SLC26A8: variants seen among roughly 807,000 people sequenced by gnomAD.
The protein encoded by SLC26A8 is solute carrier family 26 member 8.
SLC26A8 carries 70 observed loss-of-function variants against 105.0 expected under a neutral mutation model. The observed-to-expected ratio is 0.67, with a 90% CI of 0.55 to 0.81. The LOEUF is 0.81. Among genes scored for constraint, SLC26A8 ranks in the 40% least tolerant of loss-of-function variants. SLC26A8 has a pLI of 0.00. For missense variants in SLC26A8, 998 were observed against 1,181.8 expected, an observed-to-expected ratio of 0.84 and a Z score of 2.28; for synonymous variants, 415 against 438.3, an observed-to-expected ratio of 0.95 and a Z score of 0.66.
At position 35,959,797 on chromosome 6, in the gene SLC26A8, T is replaced by G; in HGVS notation, c.1648A>C (p.Ile550Leu). ...CACTGGAAGATTTTCACCCCAGGAA[T>G]GGTGATGATCTGCAAGACAAAATGT... Reference protein sequence around the residue: ...SINDYREIITIPGVKIFQCCS... With the variant: ...SINDYREIITLPGVKIFQCCS... Residue 550 changes from isoleucine (I) to leucine (L), a missense_variant, in exon 15 of 20, where the codon ATT (isoleucine) becomes CTT (leucine). By Grantham distance (5) the Ile-to-Leu change is conservative. Coordinates refer to ENST00000490799, the MANE Select transcript of SLC26A8 (RefSeq NM_052961.4). The G allele has an allele frequency of 6.2e-7, 1 of 1,607,394 alleles. No individual in the cohort carries two copies. Among genetic ancestry groups the G allele is most frequent in the Non-Finnish European group, 8.5e-7 (1 of 1,178,234 alleles).
chr6:36,015,332 T>A (rs1025892903), intron 2 of SLC26A8, among the ~76,000 whole-genome samples: 1 of 152,120 alleles, frequency 6.6e-6, no homozygotes, highest in Admixed American at 6.5e-5. Context: ...AGGCTGGTCT[T>A]AAACTCCTGA....
chr6:35,989,983 G>A (rs1773700840), intron 7 of SLC26A8: 1 of 115,860 alleles, frequency 8.6e-6, no homozygotes, highest in African/African-American at 3.4e-5. Flanking sequence ...TTTCACCCAA[G>A]CTGCAGTGCA....
At chr6:36,019,855 G>A (rs1762088877) in intron 1 of SLC26A8, 146 bp from the exon 2 acceptor site, 1 of 787,850 alleles carries the variant, frequency 1.3e-6, no homozygotes, top group African/African-American at 1.8e-5. Context: ...TCTCAAAGTT[G>A]TATAATTTTA....
chr6:35,959,316 C>T, intron 16 of SLC26A8, 144 bp downstream of exon 16: 1 of 895,768 alleles, frequency 1.1e-6, no homozygotes, highest in Admixed American at 3.5e-5. Context: ...GTGAGAGGAA[C>T]CTTGTATCTT....
Position 35,982,143 on chromosome 6 carries a change from G to A in SLC26A8, c.1003C>T (p.Leu335Phe). The A allele has an allele frequency of 6.2e-7, 1 of 1,614,158 alleles. No individual in the cohort carries two copies. Among genetic ancestry groups the A allele is most frequent in the Non-Finnish European group, 8.5e-7 (1 of 1,180,024 alleles). ...ISMATETSQT[L>F]IDMIPYSFLL... ...GACCTATAAGGAATCATGTCAATAA[G>A]CGTCTGGCTGGTTTCTGTGGCCATG... The change falls in exon 8 of 20, where the codon CTT becomes TTT. Residue 335 changes from leucine to phenylalanine, a missense_variant. Coordinates refer to ENST00000490799, the MANE Select transcript of SLC26A8 (RefSeq NM_052961.4).
At chr6:36,008,094 T>C (rs571263874) in intron 3 of SLC26A8, among the ~76,000 whole-genome samples, 1 of 136,452 alleles carries the variant, frequency 7.3e-6, no homozygotes, top group East Asian at 2.1e-4. Context: ...CACTCCAGCC[T>C]GGGCAACAGA....
At chr6:36,001,160 G>A (rs912622998) in intron 3 of SLC26A8, among the ~76,000 whole-genome samples, 15 of 151,608 alleles carry the variant, frequency 9.9e-5, no homozygotes, top group African/African-American at 2.7e-4. Flanking sequence ...ACGGAGTCTT[G>A]CTCTGTTGCC....
Position 36,011,539 on chromosome 6 carries a change from C to A in SLC26A8, c.328+694G>T, listed in dbSNP as rs570170781. On this transcript the variant is annotated intron_variant, in intron 3 of 19. Transcript: ENST00000490799. ...ACATCTGAACTGCTACTTGGAAGAC[C>A]AAAGAGTGAGCACTGGATTGCTTGT... 1.1e-4 allele frequency among the ~76,000 whole-genome samples: 17 copies of A among 152,254 alleles called. No individual in the cohort carries two copies. In the South Asian group the frequency reaches 3.5e-3, roughly 32 times the overall value.
chr6:35,966,415 A>T (rs1409547090), intron 11 of SLC26A8, among the ~76,000 whole-genome samples: 1 of 151,884 alleles, frequency 6.6e-6, no homozygotes, highest in African/African-American at 2.4e-5. Flanking sequence ...AAATCTTTTC[A>T]TAAAACAATA....
chr6:35,962,813 T>C (rs1164762895), intron 11 of SLC26A8, among the ~76,000 whole-genome samples, 192 bp from the exon 12 acceptor site: 5 of 152,204 alleles, frequency 3.3e-5, no homozygotes, highest in Non-Finnish European at 7.3e-5. Flanking sequence ...CTCTTTTCTC[T>C]TCCTTTCTGA....
At chr6:35,957,304 G>A (rs1200281040) in intron 16 of SLC26A8, among the ~76,000 whole-genome samples, 1 of 151,466 alleles carries the variant, frequency 6.6e-6, no homozygotes, top group Admixed American at 6.6e-5. Context: ...CTTTGCTAGA[G>A]TGGTGTAATT....
chr6:35,991,895 AG>A, intron 6 of SLC26A8, 87 bp from the exon 7 acceptor site: 1 of 1,307,572 alleles, frequency 7.6e-7, no homozygotes, highest in Non-Finnish European at 1.0e-6. Context: ...TAACCCAAAA[AG>A]AAGTCCCCAA....
At chr6:35,978,469 A>T (rs1363569465) in intron 8 of SLC26A8, among the ~76,000 whole-genome samples, 1 of 152,152 alleles carries the variant, frequency 6.6e-6, no homozygotes, top group Non-Finnish European at 1.5e-5. Context: ...CAGAAAAAAA[A>T]ATCTAAGTGT....
chr6:35,995,023 ACCTCAGTTT>A (rs1353006495), intron 5 of SLC26A8, among the ~76,000 whole-genome samples: 1 of 152,158 alleles, frequency 6.6e-6, no homozygotes, highest in East Asian at 1.9e-4. Context: ...AACTCTTTGA[ACCTCAGTTT>A]CCTCATCTAT....
At chr6:36,000,351 T>A (rs1485589625) in intron 3 of SLC26A8, among the ~76,000 whole-genome samples, 1 of 152,174 alleles carries the variant, frequency 6.6e-6, no homozygotes. Context: ...TGAAACATCA[T>A]TCACTGCAAG....
intron 2 of SLC26A8, among the ~76,000 whole-genome samples, chr6:36,014,245 C>G (rs1191991911): frequency 1.3e-5 from 2 of 152,172 alleles, no homozygotes; most frequent in Non-Finnish European, 2.9e-5. Context: ...GAAAGACCAG[C>G]CAGCCACCCA....
At chr6:35,967,863 A>C (rs1387612294) in intron 11 of SLC26A8, among the ~76,000 whole-genome samples, 1 of 152,110 alleles carries the variant, frequency 6.6e-6, no homozygotes, top group Non-Finnish European at 1.5e-5. Context: ...TTATTTATTT[A>C]TTTATTTTTT....
At chr6:35,996,758 G>C (rs1761362627) in intron 5 of SLC26A8, among the ~76,000 whole-genome samples, 1 of 152,086 alleles carries the variant, frequency 6.6e-6, no homozygotes, top group Non-Finnish European at 1.5e-5. Context: ...CTTTTGGCTG[G>C]GTGCAGTGGC....
chr6:36,023,546 C>CAAAAAAAAAAAAAAA (rs59633591), intron 1 of SLC26A8, among the ~76,000 whole-genome samples: 2 of 63,516 alleles, frequency 3.1e-5, no homozygotes, highest in Admixed American at 1.7e-4. Context: ...GACTCTGTCT[C>CAAAAAAAAAAAAAAA]AAAAAAAAAA....
Sources: gnomAD v4.1 joint callset for allele counts (sites outside exome capture counted in the v4.1 genomes callset) on GRCh38, gnomAD v4.1.1 for gene constraint, MANE v1.5 for transcripts, NCBI Gene and HGNC (gene_info 2026-07-23, HGNC 2026-07-21) for gene names.